Variants in ZFHX3 observed in about 807,000 individuals in gnomAD.
ZFHX3 encodes zinc finger homeobox protein 3.
In ZFHX3, 42 loss-of-function variants were observed where a neutral mutation model predicts 279.1. That is an observed-to-expected ratio of 0.15 (90% CI 0.12 to 0.19). ZFHX3 has a LOEUF of 0.19. Among genes scored for constraint, ZFHX3 ranks in the 10% least tolerant of loss-of-function variants. The pLI is 1.00. For missense variants in ZFHX3, 4,981 were observed against 4,754.0 expected, an observed-to-expected ratio of 1.05 and a Z score of -1.40; for synonymous variants, 2,293 against 1,957.8, an observed-to-expected ratio of 1.17 and a Z score of -4.52.
At chr16:72,833,340 C>A (rs2037110996) in intron 4 of ZFHX3, among the ~76,000 whole-genome samples, 1 of 152,128 alleles carries the variant, frequency 6.6e-6, no homozygotes, top group Admixed American at 6.6e-5. Flanking sequence ...CCCCACAGAT[C>A]ATGGATTGCA....
intron 3 of ZFHX3, among the ~76,000 whole-genome samples, chr16:72,893,308 C>T (rs571958296): frequency 6.6e-6 from 1 of 152,318 alleles, no homozygotes; most frequent in East Asian, 1.9e-4. Context: ...CCCTATGAAA[C>T]AGGATTTCCT....
chr16:72,922,420 T>C (rs1966346000), intron 3 of ZFHX3, among the ~76,000 whole-genome samples: 1 of 152,200 alleles, frequency 6.6e-6, no homozygotes, highest in Non-Finnish European at 1.5e-5. Flanking sequence ...GAAGTTCATC[T>C]CATCCTATTC....
At chr16:73,188,983 C>A (rs1296804120) in intron 5 of ZFHX3, among the ~76,000 whole-genome samples, 1 of 151,908 alleles carries the variant, frequency 6.6e-6, no homozygotes, top group East Asian at 1.9e-4. Flanking sequence ...CCTGCCTCAG[C>A]CTCCCAAGTA....
chr16:73,509,627 C>A (rs191539852), intron 2 of ZFHX3, among the ~76,000 whole-genome samples: 1 of 147,612 alleles, frequency 6.8e-6, no homozygotes, highest in Non-Finnish European at 1.5e-5. Context: ...TGGGTTCAAG[C>A]GATTCTCCTG....
chr16:73,321,801 G>A (rs1243996022), intron 3 of ZFHX3, among the ~76,000 whole-genome samples: 1 of 152,094 alleles, frequency 6.6e-6, no homozygotes, highest in Non-Finnish European at 1.5e-5. Context: ...CCAAAGGGTA[G>A]GCGGGTGTCT....
At chr16:73,721,312 G>A (rs2053471749) in intron 1 of ZFHX3, among the ~76,000 whole-genome samples, 1 of 152,078 alleles carries the variant, frequency 6.6e-6, no homozygotes, top group Admixed American at 6.6e-5. Context: ...AGTAGAGATG[G>A]GGTTTTACCA....
At chr16:73,775,364 C>G (rs534265629) in intron 1 of ZFHX3, among the ~76,000 whole-genome samples, 1 of 152,188 alleles carries the variant, frequency 6.6e-6, no homozygotes, top group Non-Finnish European at 1.5e-5. Context: ...GTTTCATGCT[C>G]TATTCACCTT....
intron 1 of ZFHX3, among the ~76,000 whole-genome samples, chr16:72,974,500 C>T (rs1350800944): frequency 1.3e-5 from 2 of 151,964 alleles, no homozygotes; most frequent in South Asian, 2.1e-4. Context: ...TGCTCTGGCA[C>T]GAGGCTCCGG....
At chr16:73,394,240 T>C (rs2017080560) in intron 3 of ZFHX3, among the ~76,000 whole-genome samples, 1 of 81,670 alleles carries the variant, frequency 1.2e-5, no homozygotes, top group Non-Finnish European at 2.4e-5. Context: ...TTGTTTTCTG[T>C]TTTTTTTTTT....
chr16:73,817,412 C>A (rs1007951245), intron 1 of ZFHX3, among the ~76,000 whole-genome samples: 8 of 152,204 alleles, frequency 5.3e-5, no homozygotes, highest in African/African-American at 1.9e-4. Context: ...ACTAATCCTG[C>A]AAACCTTTTC....
upstream of ZFHX3, among the ~76,000 whole-genome samples, chr16:73,051,788 A>C (rs1355873908): frequency 6.6e-6 from 1 of 151,700 alleles, no homozygotes; most frequent in African/African-American, 2.4e-5. Flanking sequence ...TTTACATGTT[A>C]GGTAAAGAGC....
intron 3 of ZFHX3, among the ~76,000 whole-genome samples, chr16:72,924,419 C>G (rs998135869): frequency 1.3e-5 from 2 of 152,328 alleles, no homozygotes; most frequent in African/African-American, 2.4e-5. Flanking sequence ...AAGGGTTCCT[C>G]AACCCAGGCT....
intron 2 of ZFHX3, among the ~76,000 whole-genome samples, chr16:73,478,419 T>G (rs560464873): frequency 6.6e-6 from 1 of 152,120 alleles, no homozygotes; most frequent in Non-Finnish European, 1.5e-5. Flanking sequence ...TTTAATGCAG[T>G]AATAAATAAC....
upstream of ZFHX3, among the ~76,000 whole-genome samples, chr16:73,052,642 G>C (rs1322080974): frequency 6.6e-6 from 1 of 152,088 alleles, no homozygotes; most frequent in South Asian, 2.1e-4. Flanking sequence ...CGGTAAAAAC[G>C]TGCTTCATGC....
intron 2 of ZFHX3, among the ~76,000 whole-genome samples, chr16:73,616,065 G>C (rs1251905817): frequency 6.6e-6 from 1 of 151,816 alleles, no homozygotes; most frequent in Non-Finnish European, 1.5e-5. Flanking sequence ...AGATCCGGAG[G>C]GTATTGTTTT....
intron 2 of ZFHX3, among the ~76,000 whole-genome samples, chr16:73,669,500 G>A (rs1201749780): frequency 6.6e-6 from 1 of 152,168 alleles, no homozygotes; most frequent in East Asian, 1.9e-4. Flanking sequence ...AAAGACTCAG[G>A]GAAGCTTGTA....
intron 1 of ZFHX3, among the ~76,000 whole-genome samples, chr16:73,850,090 T>G: frequency 6.6e-6 from 1 of 152,206 alleles, no homozygotes; most frequent in Non-Finnish European, 1.5e-5. Flanking sequence ...CACGATTTAC[T>G]TTTTAGTAAA....
At chr16:73,216,420 G>C (rs2012210215) in intron 5 of ZFHX3, among the ~76,000 whole-genome samples, 1 of 152,176 alleles carries the variant, frequency 6.6e-6, no homozygotes, top group Non-Finnish European at 1.5e-5. Flanking sequence ...GAGTCCACCA[G>C]TGATCTGCTG....
intron 1 of ZFHX3, among the ~76,000 whole-genome samples, chr16:73,814,848 G>A (rs151137622): frequency 5.1e-4 from 77 of 152,258 alleles, no homozygotes; most frequent in Non-Finnish European, 9.9e-4. Context: ...GATTACAGGA[G>A]TGAGCCTTTC....
Sources: allele counts gnomAD v4.1 joint callset (sites outside exome capture counted in the v4.1 genomes callset), GRCh38; gene constraint gnomAD v4.1.1; transcripts MANE v1.5; gene names NCBI Gene and HGNC (gene_info 2026-07-23, HGNC 2026-07-21).